The following SSMEM1 variants were observed in gnomAD, a reference collection of about 807,000 sequenced individuals.
The protein encoded by SSMEM1 is serine rich single-pass membrane protein 1.
In SSMEM1, 12 loss-of-function variants were observed where a neutral mutation model predicts 9.9. That is an observed-to-expected ratio of 1.21 (90% CI 0.78 to 1.96). The LOEUF is 1.96. SSMEM1 is among the 30% of genes most tolerant of loss of function. The pLI, the probability that SSMEM1 is intolerant of heterozygous loss-of-function variation, is 0.00. For missense variants in SSMEM1, 259 were observed against 292.2 expected (o/e 0.89, Z 0.83); for synonymous variants, 96 against 98.9 (o/e 0.97, Z 0.17).
chr7:130,206,983 T>TA (rs530574772), upstream of SSMEM1: 13,456 of 109,722 alleles, frequency 0.12, 758 homozygotes, highest in African/African-American at 0.19. Context: ...GAGACCCTGC[T>TA]AAAAAAAAAA....
chr7:130,207,647 A>T (rs1349564757), upstream of SSMEM1: 4 of 532,984 alleles, frequency 7.5e-6, no homozygotes, highest in Non-Finnish European at 1.0e-5. Flanking sequence ...TATAGCATAT[A>T]CAAGTTTTAG....
rs756159838 is a variant in SSMEM1, at chr7:130,207,997, C to T, written c.87C>T (p.Cys29=). ...CCATTCCAAATCAGGATTATGAATG[C>T]TGGAAGGATGACTCTTGTGGAACCA... The part of the protein sequence containing the change: ...NCAIPNQDYE[C]WKDDSCGTIG... The change falls in exon 1 of 3, where the codon TGC becomes TGT. Residue 29 remains cysteine, a synonymous_variant. Transcript: ENST00000297819. 1 of 1,613,982 alleles carries T rather than the reference C, an allele frequency of 6.2e-7. No individual in the cohort carries two copies. Among genetic ancestry groups the T allele is most frequent in the Non-Finnish European group, 8.5e-7 (1 of 1,179,966 alleles).
Position 130,216,710 on chromosome 7 carries a change from A to G in SSMEM1, c.*240A>G. 2 of 516,380 alleles carry G rather than the reference A, an allele frequency of 3.9e-6. No homozygotes were observed. The highest frequency in any genetic ancestry group is 2.6e-5 in the South Asian group (1 of 38,162). The allele number at this position is 516,380 out of a possible 1,614,324, so 32.0% of individuals were successfully genotyped here. A position where few individuals can be genotyped will look rare whatever the true frequency, so the allele number is the denominator to read the frequency against. ...GATCTATATCTGCTATGATTTTTTT[A>G]TTTGAAATAGCACAAGACAGATATT... On this transcript the variant is annotated 3_prime_UTR_variant, in exon 3 of 3. Transcript: ENST00000297819.
In SSMEM1 at chr7:130,213,531, A is replaced by G; in HGVS notation, c.235A>G (p.Lys79Glu). 1 of 1,611,650 alleles carries G rather than the reference A, an allele frequency of 6.2e-7. No individual in the cohort carries two copies. Among genetic ancestry groups the G allele is most frequent in the Non-Finnish European group, 8.5e-7 (1 of 1,178,518 alleles). Reference sequence around the variant, plus strand: ...CAGTGGGACAAGTACTTCAGTAAGGAAAGGTGAGAACCAGTGCATATTTGG... The same window carrying G: ...CAGTGGGACAAGTACTTCAGTAAGGGAAGGTGAGAACCAGTGCATATTTGG... ...EGSGTSTSVR[K>E]ASKETSCKRQ... The change falls in exon 2 of 3, where the codon AAA becomes GAA. Residue 79 changes from lysine (K) to glutamate (E), a missense_variant. By Grantham distance (56) the Lys-to-Glu change is moderately conservative. Transcript: ENST00000297819.
At chr7:130,205,507 G>C (rs1449238419), upstream of SSMEM1, 2 of 1,461,282 alleles carry the variant, frequency 1.4e-6, no homozygotes, top group South Asian at 1.1e-5. Flanking sequence ...TCGCGAGAAA[G>C]GGAGGGGTCG....
intron 2 of SSMEM1, among the ~76,000 whole-genome samples, chr7:130,213,780 G>A (rs1283081641): frequency 6.6e-6 from 1 of 151,932 alleles, no homozygotes; most frequent in Non-Finnish European, 1.5e-5. Context: ...TGTGCTGAGT[G>A]TGGAAAGCAA....
chr7:130,205,501 G>C (rs983528078), upstream of SSMEM1: 2 of 1,484,650 alleles, frequency 1.3e-6, no homozygotes, highest in Admixed American at 1.7e-5. Context: ...CTCTTCTCGC[G>C]AGAAAGGGAG....
intron 1 of SSMEM1, among the ~76,000 whole-genome samples, chr7:130,210,674 C>G (rs2633382): frequency 0.34 from 51,721 of 151,942 alleles, 9,162 homozygotes; most frequent in East Asian, 0.59. Context: ...AAGAGAGCCA[C>G]GGCCCACATT....
At chr7:130,213,710 A>AAAAAAAAAAAAAAAAAAAAAAAG (rs1562906803) in intron 2 of SSMEM1, among the ~76,000 whole-genome samples, 176 bp downstream of exon 2, 2 of 119,324 alleles carry the variant, frequency 1.7e-5, no homozygotes, top group South Asian at 2.9e-4. Flanking sequence ...AAAAAAAAAA[A>AAAAAAAAAAAAAAAAAAAAAAAG]AAAAGAAAAG....
At chr7:130,208,452 A>G (rs1389273270) in intron 1 of SSMEM1, among the ~76,000 whole-genome samples, 3 of 152,188 alleles carry the variant, frequency 2.0e-5, no homozygotes, top group African/African-American at 7.2e-5. Flanking sequence ...GCTTAATAAT[A>G]TATCAGAAAT....
chr7:130,210,407 TGTG>T (rs1371231404), intron 1 of SSMEM1, among the ~76,000 whole-genome samples: 2 of 152,318 alleles, frequency 1.3e-5, no homozygotes, highest in Admixed American at 6.5e-5. Context: ...ACGATGGAAA[TGTG>T]GTGGTAATTA....
chr7:130,213,209 G>A (rs886594612), intron 1 of SSMEM1, among the ~76,000 whole-genome samples: 9 of 151,962 alleles, frequency 5.9e-5, no homozygotes, highest in African/African-American at 2.2e-4. Context: ...TTAGCCGGGC[G>A]TGGTAGCGGG....
upstream of SSMEM1, among the ~76,000 whole-genome samples, chr7:130,206,515 A>G (rs546523010): frequency 8.5e-5 from 13 of 152,340 alleles, no homozygotes; most frequent in East Asian, 1.7e-3. Context: ...CCTAAGATTA[A>G]TACCACGTGG....
intron 2 of SSMEM1, 101 bp from the exon 3 acceptor site, chr7:130,215,873 G>A (rs777303267): frequency 3.6e-5 from 53 of 1,456,494 alleles, no homozygotes; most frequent in Non-Finnish European, 4.6e-5. Context: ...CTTGACAACT[G>A]GCCACTAAGA....
At chr7:130,210,794 T>TTC (rs1465162960) in intron 1 of SSMEM1, among the ~76,000 whole-genome samples, 2 of 152,330 alleles carry the variant, frequency 1.3e-5, no homozygotes, top group South Asian at 4.1e-4. Context: ...CCCACTTAGT[T>TTC]TAATGCAAAA....
At chr7:130,213,689 T>TAACAAAAAAAAAAAAAAAAAAAAAAAG (rs199858252) in intron 2 of SSMEM1, among the ~76,000 whole-genome samples, 155 bp downstream of exon 2, 1 of 62,618 alleles carries the variant, frequency 1.6e-5, no homozygotes, top group Non-Finnish European at 3.1e-5. Context: ...TGAGACCCAG[T>TAACAAAAAAAAAAAAAAAAAAAAAAAG]ACCAAAAAAA....
rs1432565816 is a variant in SSMEM1, at chr7:130,216,458, T to C, written c.723T>C (p.Phe241=). ...CCATATCTGACATTAACAAGAAATT[T>C]AGTAAATTTTGAATTTTATCACGTT... ...ESSISDINKK[F]SKF The change falls in exon 3 of 3, where the codon TTT becomes TTC. Residue 241 remains phenylalanine, a synonymous_variant. Coordinates refer to ENST00000297819, the MANE Select transcript of SSMEM1 (RefSeq NM_145268.4). 1 of 1,608,144 alleles carries C rather than the reference T, an allele frequency of 6.2e-7. No homozygotes were observed. The highest frequency in any genetic ancestry group is 1.1e-5 in the South Asian group (1 of 90,770).
chr7:130,213,779 T>C (rs1221920457), intron 2 of SSMEM1, among the ~76,000 whole-genome samples: 2 of 145,216 alleles, frequency 1.4e-5, no homozygotes, highest in African/African-American at 5.1e-5. Context: ...TTGTGCTGAG[T>C]GTGGAAAGCA....
intron 1 of SSMEM1, among the ~76,000 whole-genome samples, chr7:130,209,787 C>T (rs896646761): frequency 6.6e-6 from 1 of 152,154 alleles, no homozygotes; most frequent in Non-Finnish European, 1.5e-5. Context: ...ACCATGTTGG[C>T]CAGGCTGGTG....
Sources: allele counts gnomAD v4.1 joint callset (sites outside exome capture counted in the v4.1 genomes callset), GRCh38; gene constraint gnomAD v4.1.1; transcripts MANE v1.5; gene names NCBI Gene and HGNC (gene_info 2026-07-23, HGNC 2026-07-21).